ADGRL3: variants seen among roughly 807,000 people sequenced by gnomAD.
ADGRL3 encodes the protein calcium-independent alpha-latrotoxin receptor 3.
Under a neutral mutation model 153.5 loss-of-function variants are expected in ADGRL3, and 62 were observed. The observed-to-expected ratio is 0.40, with a 90% confidence interval of 0.33 to 0.50. The LOEUF (loss-of-function observed/expected upper bound fraction) is 0.50. ADGRL3 is among the 20% of genes least tolerant of loss of function. The pLI is 0.47. For missense variants in ADGRL3, 1,641 were observed against 1,859.4 expected (o/e 0.88, Z 2.16); for synonymous variants, 710 against 672.5 (o/e 1.06, Z -0.86).
At chr4:61,760,656 C>A (rs2096901260) in intron 8 of ADGRL3, among the ~76,000 whole-genome samples, 1 of 152,148 alleles carries the variant, frequency 6.6e-6, no homozygotes, top group Non-Finnish European at 1.5e-5. Context: ...TGCGCTGCAC[C>A]CACTGTCCTG....
intron 4 of ADGRL3, chr4:61,579,568 A>T: frequency 2.0e-6 from 1 of 508,322 alleles, no homozygotes; most frequent in Non-Finnish European, 3.9e-6. Flanking sequence ...GAAGGTCACA[A>T]CTTTGTGTAT....
At chr4:61,710,361 T>G (rs2095947387) in intron 6 of ADGRL3, among the ~76,000 whole-genome samples, 1 of 152,156 alleles carries the variant, frequency 6.6e-6, no homozygotes, top group South Asian at 2.1e-4. Flanking sequence ...TCCTTAAATT[T>G]ATGCAGGGGG....
chr4:61,881,978 C>G (rs1313769112), intron 9 of ADGRL3, among the ~76,000 whole-genome samples: 1 of 152,144 alleles, frequency 6.6e-6, no homozygotes, highest in Non-Finnish European at 1.5e-5. Flanking sequence ...AATCTGTCAA[C>G]TCTGATTCAG....
chr4:61,230,962 CATCTAGTCCAAGCAGGACTTACT>C (rs780504233), intron 1 of ADGRL3, among the ~76,000 whole-genome samples: 4 of 152,174 alleles, frequency 2.6e-5, no homozygotes, highest in Non-Finnish European at 5.9e-5. Context: ...CCCGTGCAAG[CATCTAGTCCAAGCAGGACTTACT>C]ATGCTTATTT....
At chr4:61,390,414 G>A (rs1050575924) in intron 2 of ADGRL3, among the ~76,000 whole-genome samples, 2 of 152,162 alleles carry the variant, frequency 1.3e-5, no homozygotes, top group South Asian at 2.1e-4. Context: ...AGGATGCTAC[G>A]TTGAATAGAA....
chr4:61,818,495 G>T (rs1012635827), intron 9 of ADGRL3, among the ~76,000 whole-genome samples: 1 of 152,192 alleles, frequency 6.6e-6, no homozygotes, highest in African/African-American at 2.4e-5. Flanking sequence ...ACAACACTGT[G>T]GAGCTGTAAC....
chr4:61,615,449 A>G (rs553011048), intron 5 of ADGRL3, among the ~76,000 whole-genome samples: 1 of 152,218 alleles, frequency 6.6e-6, no homozygotes, highest in East Asian at 1.9e-4. Flanking sequence ...TATTAAGGGG[A>G]AGCTTCAAAA....
chr4:61,907,314 A>G (rs540426356), intron 11 of ADGRL3, among the ~76,000 whole-genome samples: 1 of 152,168 alleles, frequency 6.6e-6, no homozygotes, highest in South Asian at 2.1e-4. Context: ...GCTGGAGTGC[A>G]GTGGTGCGAT....
chr4:62,049,773 A>T (rs1733130988), intron 25 of ADGRL3, among the ~76,000 whole-genome samples: 1 of 152,094 alleles, frequency 6.6e-6, no homozygotes, highest in Non-Finnish European at 1.5e-5. Context: ...GTTTTGCATT[A>T]ATAGTTCTAA....
intron 1 of ADGRL3, among the ~76,000 whole-genome samples, chr4:61,355,971 A>C (rs1195279750): frequency 1.3e-5 from 2 of 152,076 alleles, no homozygotes; most frequent in African/African-American, 2.4e-5. Flanking sequence ...AAAATTTAAT[A>C]ATTTATAATG....
At chr4:61,249,525 C>T (rs1505670) in intron 1 of ADGRL3, among the ~76,000 whole-genome samples, 78,136 of 151,554 alleles carry the variant, frequency 0.52, 20,322 homozygotes, top group Non-Finnish European at 0.56. Flanking sequence ...CCTACCTCAT[C>T]TACATTCCAT....
chr4:61,572,339 G>A (rs748419810), intron 4 of ADGRL3, among the ~76,000 whole-genome samples: 8 of 152,102 alleles, frequency 5.3e-5, no homozygotes, highest in African/African-American at 1.7e-4. Context: ...TTTGTGTGCA[G>A]TTATTCTTCC....
At chr4:61,798,091 C>G (rs2097436995) in intron 8 of ADGRL3, among the ~76,000 whole-genome samples, 2 of 152,156 alleles carry the variant, frequency 1.3e-5, no homozygotes, top group East Asian at 1.9e-4. Flanking sequence ...TCATTTCCAC[C>G]TTTGCACCTT....
intron 19 of ADGRL3, among the ~76,000 whole-genome samples, chr4:61,994,769 A>G (rs1012883949): frequency 2.0e-5 from 3 of 152,016 alleles, no homozygotes; most frequent in Non-Finnish European, 2.9e-5. Context: ...CCATTAAATA[A>G]CATATATATA....
chr4:61,752,157 T>C (rs537986465), intron 8 of ADGRL3, among the ~76,000 whole-genome samples: 1 of 152,192 alleles, frequency 6.6e-6, no homozygotes, highest in Non-Finnish European at 1.5e-5. Context: ...CCTGCTCTTA[T>C]AGATTCTCAG....
chr4:61,633,409 G>T, intron 5 of ADGRL3, among the ~76,000 whole-genome samples: 2 of 19,344 alleles, frequency 1.0e-4, no homozygotes, highest in Non-Finnish European at 1.7e-4. Flanking sequence ...TATACATAGT[G>T]GGTGTTGGAG....
intron 23 of ADGRL3, among the ~76,000 whole-genome samples, chr4:62,035,955 G>A (rs968863478): frequency 5.9e-5 from 9 of 152,028 alleles, no homozygotes; most frequent in Non-Finnish European, 8.8e-5. Context: ...TAGTTAAAAA[G>A]TAGAAGTTTC....
intron 4 of ADGRL3, among the ~76,000 whole-genome samples, chr4:61,584,700 T>G (rs1217111833): frequency 6.6e-6 from 1 of 151,978 alleles, no homozygotes; most frequent in Non-Finnish European, 1.5e-5. Flanking sequence ...AAACAATTTG[T>G]CTCTTGATAA....
chr4:61,298,104 T>G (rs2094470234), intron 1 of ADGRL3, among the ~76,000 whole-genome samples: 1 of 152,194 alleles, frequency 6.6e-6, no homozygotes, highest in Non-Finnish European at 1.5e-5. Flanking sequence ...TAGTTACTGT[T>G]TATTTTTTAC....
Sources: allele counts gnomAD v4.1 joint callset (sites outside exome capture counted in the v4.1 genomes callset), GRCh38; gene constraint gnomAD v4.1.1; transcripts MANE v1.5; gene names NCBI Gene and HGNC (gene_info 2026-07-23, HGNC 2026-07-21).